Variants in SASH1 observed in about 807,000 individuals in gnomAD.
The protein encoded by SASH1 is SAM and SH3 domain containing 1.
SASH1 carries 44 observed loss-of-function variants against 125.2 expected under a neutral mutation model. The observed-to-expected ratio is 0.35, with a 90% CI of 0.28 to 0.45. SASH1 has a LOEUF of 0.45. Among genes scored for constraint, SASH1 ranks in the 20% least tolerant of loss-of-function variants. The pLI, the probability that SASH1 is intolerant of heterozygous loss-of-function variation, is 1.00. For missense variants in SASH1, 1,426 were observed against 1,614.5 expected, an observed-to-expected ratio of 0.88 and a Z score of 2.00; for synonymous variants, 639 against 649.1, an observed-to-expected ratio of 0.98 and a Z score of 0.24.
Position 148,543,726 on chromosome 6 carries a change from G to A in SASH1, c.2256G>A (p.Glu752=). 2.5e-6 allele frequency: 4 copies of A among 1,585,176 alleles called. No homozygotes were observed. The highest frequency in any genetic ancestry group is 3.4e-6 in the Non-Finnish European group (4 of 1,162,426). The change falls in exon 18 of 20, where the codon GAG becomes GAA. Residue 752 remains glutamate (E), a synonymous_variant. Coordinates refer to ENST00000367467, the MANE Select transcript of SASH1 (RefSeq NM_015278.5). The part of the protein sequence containing the change: ...ASLLSAKSST[E]PSLKSFSRNQ... ...TCCTATCTGCCAAGTCATCCACCGAGCCCAGCTTGAAGTCTTTTAGCAGAA... is the reference window on the plus strand; with the variant it reads ...TCCTATCTGCCAAGTCATCCACCGAACCCAGCTTGAAGTCTTTTAGCAGAA...
In SASH1 at chr6:148,514,552, T is replaced by C; in HGVS notation, c.862+96T>C. 2.2e-6 allele frequency: 3 copies of C among 1,349,686 alleles called. No homozygotes were observed. The South Asian group carries it at 4.9e-5, about 22-fold the overall frequency. 83.6% of individuals were successfully genotyped at this position (1,349,686 alleles called of 1,614,324 possible). The stretch of plus-strand genomic sequence containing the variant: ...GGTCAGTTTCTCAGCAGAAAAGGGA[T>C]ACGATTTCAAGTGGAAAATGCATTG... On this transcript the variant is annotated intron_variant, in intron 9 of 19. Transcript: ENST00000367467.
At chr6:148,298,354 G>T (rs1346284683) in intron 1 of SASH1, among the ~76,000 whole-genome samples, 1 of 152,044 alleles carries the variant, frequency 6.6e-6, no homozygotes, top group Non-Finnish European at 1.5e-5. Flanking sequence ...CTTTAATTAG[G>T]TGCAGTAGCT....
intron 1 of SASH1, among the ~76,000 whole-genome samples, chr6:148,274,962 A>G (rs1438667083): frequency 1.3e-5 from 2 of 152,160 alleles, no homozygotes; most frequent in Non-Finnish European, 2.9e-5. Flanking sequence ...TTTGGACACC[A>G]GGGATTCAAT....
rs181215078 is a variant in SASH1, at chr6:148,326,953, C to T, written n.74+54576C>T. Among the ~76,000 whole-genome samples, 207 of 152,272 alleles carry T rather than the reference C, an allele frequency of 1.4e-3. 1 individual carries two copies. Among genetic ancestry groups the T allele is most frequent in the Middle Eastern group, 6.8e-3 (2 of 294 alleles). On this transcript the variant is annotated intron_variant and non_coding_transcript_variant, in intron 1 of 3. Transcript: ENST00000367469. ...AGGACTTTACAATCTTTAACATCTC[C>T]AGACTTTTCCTTTTGCCTTGAAAAT...
the SASH1 span, among the ~76,000 whole-genome samples, chr6:148,194,132 C>T: frequency 6.6e-6 from 1 of 152,126 alleles, no homozygotes; most frequent in Non-Finnish European, 1.5e-5. Context: ...TGCCATTTTC[C>T]CTTTATGTGA....
chr6:148,384,225 A>G (rs1783268505), intron 1 of SASH1, among the ~76,000 whole-genome samples: 1 of 152,202 alleles, frequency 6.6e-6, no homozygotes, highest in South Asian at 2.1e-4. Flanking sequence ...TCAAAAAATT[A>G]TTTTGAGGAA....
intron 1 of SASH1, among the ~76,000 whole-genome samples, chr6:148,326,065 T>A (rs1337615604): frequency 3.3e-5 from 5 of 150,242 alleles, no homozygotes; most frequent in African/African-American, 1.2e-4. Context: ...TCTCACTCTG[T>A]CACCCAGGCT....
chr6:148,514,409 G>C lies in SASH1; in HGVS notation c.815G>C (p.Arg272Thr). The change falls in exon 9 of 20, where the codon AGA becomes ACA. Residue 272 changes from arginine (R) to threonine (T), a missense_variant. Coordinates refer to ENST00000367467, the MANE Select transcript of SASH1 (RefSeq NM_015278.5). ...CTGGTAAACTCCACTCGCAGAGTCA[G>C]AAAGAAACTAATTAGGGTGGAAGAA... ...HKLVNSTRRV[R>T]KKLIRVEEMK... 4 of 1,340,294 alleles carry C rather than the reference G, an allele frequency of 3.0e-6. No individual in the cohort carries two copies. Among genetic ancestry groups the C allele is most frequent in the Non-Finnish European group, 3.9e-6 (4 of 1,027,354 alleles). The allele number at this position is 1,340,294 out of a possible 1,614,324, so 83.0% of individuals were successfully genotyped here.
chr6:148,276,934 A>AATG (rs973391533), intron 1 of SASH1, among the ~76,000 whole-genome samples: 1 of 152,142 alleles, frequency 6.6e-6, no homozygotes, highest in Non-Finnish European at 1.5e-5. Context: ...AAATAATAAT[A>AATG]ATGATGATAA....
chr6:148,209,749 C>A, the SASH1 span, among the ~76,000 whole-genome samples: 1 of 152,158 alleles, frequency 6.6e-6, no homozygotes, highest in Admixed American at 6.5e-5. Flanking sequence ...GTATGCCTCC[C>A]CTCTTTCAAG....
At chr6:148,291,685 A>AAAC (rs774268577) in intron 1 of SASH1, among the ~76,000 whole-genome samples, 110 of 152,220 alleles carry the variant, frequency 7.2e-4, no homozygotes, top group Admixed American at 2.7e-3. Context: ...AAAAACAAAC[A>AAAC]AACAACAACA....
chr6:148,454,021 G>T (rs1234711548), intron 4 of SASH1, among the ~76,000 whole-genome samples: 1 of 152,212 alleles, frequency 6.6e-6, no homozygotes, highest in Non-Finnish European at 1.5e-5. Context: ...AGGGCAGGCA[G>T]TTCAGCAAAA....
At chr6:148,353,435 A>ATTTC (rs1781811264) in intron 1 of SASH1, among the ~76,000 whole-genome samples, 1 of 108,800 alleles carries the variant, frequency 9.2e-6, no homozygotes, top group South Asian at 3.1e-4. Flanking sequence ...TTTAAGATTG[A>ATTTC]TTTTTTTTTT....
At chr6:148,392,286 C>CA (rs61537766) in intron 2 of SASH1, among the ~76,000 whole-genome samples, 25,131 of 115,842 alleles carry the variant, frequency 0.22, 2,426 homozygotes, top group East Asian at 0.25. Flanking sequence ...AACTCTGTCT[C>CA]AAAAAAAAAA....
At chr6:148,212,606 G>C in the SASH1 span, among the ~76,000 whole-genome samples, 1 of 152,094 alleles carries the variant, frequency 6.6e-6, no homozygotes, top group Non-Finnish European at 1.5e-5. Flanking sequence ...TCTGATTATG[G>C]ATGATGCGGG....
At chr6:148,509,296 A>C (rs1295880102) in intron 8 of SASH1, 1 of 198,844 alleles carries the variant, frequency 5.0e-6, no homozygotes, top group African/African-American at 2.3e-5. Flanking sequence ...TGTATGTCTA[A>C]TCATGCGCTA....
At chr6:148,399,031 G>C (rs76801724) in intron 2 of SASH1, among the ~76,000 whole-genome samples, 1 of 152,052 alleles carries the variant, frequency 6.6e-6, no homozygotes, top group Non-Finnish European at 1.5e-5. Context: ...AATTAAGAAG[G>C]CTTTTCTTTT....
intron 1 of SASH1, among the ~76,000 whole-genome samples, chr6:148,314,919 G>A (rs562248132): frequency 1.7e-3 from 266 of 152,064 alleles, no homozygotes; most frequent in African/African-American, 6.2e-3. Flanking sequence ...ATCATGCCTG[G>A]CTAATTTTTT....
chr6:148,403,138 A>G (rs1330129453), intron 2 of SASH1, among the ~76,000 whole-genome samples: 2 of 152,156 alleles, frequency 1.3e-5, no homozygotes, highest in Admixed American at 1.3e-4. Context: ...TTTCTTCTCT[A>G]GAGTCTCCTC....
Sources: gnomAD v4.1 joint callset for allele counts (sites outside exome capture counted in the v4.1 genomes callset) on GRCh38, gnomAD v4.1.1 for gene constraint, MANE v1.5 for transcripts, NCBI Gene and HGNC (gene_info 2026-07-23, HGNC 2026-07-21) for gene names.